Variants in PALM2AKAP2 observed in about 807,000 individuals in gnomAD.
PALM2AKAP2 encodes PALM2 and AKAP2 fusion.
Under a neutral mutation model 71.5 loss-of-function variants are expected in PALM2AKAP2, and 37 were observed. The ratio of observed to expected loss-of-function variants is 0.52; its 90% CI spans 0.40 to 0.68. The LOEUF is 0.68. Ranked by LOEUF, PALM2AKAP2 falls within the 30% of genes least tolerant of loss-of-function variation. The pLI is 0.00. For missense variants in PALM2AKAP2, 1,224 were observed against 1,191.8 expected (o/e 1.03, Z -0.40); for synonymous variants, 468 against 478.8 (o/e 0.98, Z 0.29).
chr9:109,815,604 C>CACTGA (rs1648737074), intron 1 of PALM2AKAP2, among the ~76,000 whole-genome samples: 1 of 152,112 alleles, frequency 6.6e-6, no homozygotes, highest in South Asian at 2.1e-4. Flanking sequence ...TGCCAAATGC[C>CACTGA]ACTGACAGGC....
intron 3 of PALM2AKAP2, among the ~76,000 whole-genome samples, chr9:109,904,505 A>G (rs1322124936): frequency 1.3e-5 from 2 of 152,214 alleles, no homozygotes; most frequent in East Asian, 1.9e-4. Flanking sequence ...TTGCCTCTGC[A>G]TGAGACGTCT....
intron 1 of PALM2AKAP2, among the ~76,000 whole-genome samples, chr9:109,862,610 T>G (rs557789759): frequency 2.0e-5 from 3 of 152,280 alleles, no homozygotes; most frequent in African/African-American, 7.2e-5. Flanking sequence ...AGAAACGAGG[T>G]AGCATGATTG....
intron 2 of PALM2AKAP2, 87 bp from the exon 9 acceptor site, chr9:110,156,232 T>G (rs1041793680): frequency 3.9e-5 from 55 of 1,414,480 alleles, no homozygotes; most frequent in Middle Eastern, 2.4e-4. Context: ...TGTCAGAGGT[T>G]GTTGCTCTTT....
Position 109,702,979 on chromosome 9 carries a change from C to T in PALM2AKAP2, c.5+62113C>T, listed in dbSNP as rs887423858. ...GAGTACAGGCACATGCCAACAGGCC[C>T]AGATAATTTTTGTATTTTTAGTAGA... On this transcript the variant is annotated intron_variant, in intron 1 of 6. Coordinates refer to the PALM2AKAP2 transcript ENST00000374531. Among the ~76,000 whole-genome samples the T allele has an allele frequency of 2.6e-5, 4 of 151,892 alleles. No individual in the cohort carries two copies. The South Asian group carries it at 8.3e-4, about 32-fold the overall frequency.
At chr9:110,053,516 G>T (rs1453086502) in intron 1 of PALM2AKAP2, among the ~76,000 whole-genome samples, 3 of 74,586 alleles carry the variant, frequency 4.0e-5, no homozygotes, top group Admixed American at 2.4e-4. Flanking sequence ...GACAGAGCAA[G>T]AACTCTGTCT....
intron 1 of PALM2AKAP2, among the ~76,000 whole-genome samples, chr9:110,133,267 T>C (rs1325585821): frequency 6.6e-6 from 1 of 152,204 alleles, no homozygotes; most frequent in African/African-American, 2.4e-5. Context: ...GCTTTGGAGA[T>C]AAGCCCCATC....
At chr9:109,791,117 G>C (rs2118869810) in intron 1 of PALM2AKAP2, among the ~76,000 whole-genome samples, 1 of 152,328 alleles carries the variant, frequency 6.6e-6, no homozygotes, top group South Asian at 2.1e-4. Flanking sequence ...GGAGGCAGCA[G>C]TAGAATGTAC....
intron 1 of PALM2AKAP2, among the ~76,000 whole-genome samples, chr9:110,054,815 T>TC (rs1481027545): frequency 2.6e-5 from 4 of 152,142 alleles, no homozygotes; most frequent in Non-Finnish European, 5.9e-5. Flanking sequence ...CAAGCAGTCC[T>TC]CCCACCTCGG....
chr9:109,843,477 G>A (rs1034572471), intron 1 of PALM2AKAP2, among the ~76,000 whole-genome samples: 7 of 151,780 alleles, frequency 4.6e-5, no homozygotes, highest in Non-Finnish European at 1.0e-4. Context: ...TGTACACTTA[G>A]TTCAGTAGTA....
At chr9:109,917,174 G>C (rs894697237) in intron 3 of PALM2AKAP2, among the ~76,000 whole-genome samples, 6 of 152,218 alleles carry the variant, frequency 3.9e-5, no homozygotes, top group African/African-American at 7.2e-5. Context: ...GAAGATGGAG[G>C]AAGGGACCCA....
rs56743395 is a variant in PALM2AKAP2 at position 109,954,658 on chromosome 9, TAAAAAA to T, written c.496+22648_496+22653del. Among the ~76,000 whole-genome samples the T allele has an allele frequency of 3.9e-3, 423 of 107,912 alleles. 1 individual carries two copies. The highest frequency in any genetic ancestry group is 0.014 in the African/African-American group (391 of 28,584). The allele number at this position is 107,912 out of a possible 152,430, so 70.8% of individuals were successfully genotyped here. A position where few individuals can be genotyped will look rare whatever the true frequency, so the allele number is the denominator to read the frequency against. On this transcript the variant is annotated intron_variant, in intron 6 of 9. Coordinates refer to the PALM2AKAP2 transcript ENST00000302798. ...ATGTACCCTAAAACTTAAAGTATAA[TAAAAAA>T]AAAAAAAAAAAAAAAAAGAAGTTAA...
At chr9:109,888,697 C>T (rs1185977623) in intron 3 of PALM2AKAP2, among the ~76,000 whole-genome samples, 1 of 59,962 alleles carries the variant, frequency 1.7e-5, no homozygotes, top group African/African-American at 7.4e-5. Context: ...GCATCAAGAG[C>T]AAAATTTTGC....
chr9:109,736,709 G>T (rs1672565670), intron 1 of PALM2AKAP2, among the ~76,000 whole-genome samples: 1 of 152,074 alleles, frequency 6.6e-6, no homozygotes, highest in Non-Finnish European at 1.5e-5. Context: ...CGTGAATAGT[G>T]AACACTGTAC....
chr9:109,682,502 A>G (rs1381368283), intron 1 of PALM2AKAP2, among the ~76,000 whole-genome samples: 1 of 152,148 alleles, frequency 6.6e-6, no homozygotes, highest in Non-Finnish European at 1.5e-5. Flanking sequence ...CTCTCATCAA[A>G]TTGTCTTATT....
At chr9:109,766,657 T>C (rs1432229067) in intron 1 of PALM2AKAP2, among the ~76,000 whole-genome samples, 3 of 152,228 alleles carry the variant, frequency 2.0e-5, no homozygotes, top group African/African-American at 4.8e-5. Flanking sequence ...GTCATTTAAA[T>C]AGCGGATTAC....
intron 1 of PALM2AKAP2, among the ~76,000 whole-genome samples, chr9:110,129,826 G>GA (rs538350671): frequency 7.0e-4 from 107 of 152,294 alleles, no homozygotes; most frequent in Middle Eastern, 3.4e-3. Context: ...GGTGGTTCTT[G>GA]ACTGCTCATT....
intron 1 of PALM2AKAP2, among the ~76,000 whole-genome samples, chr9:109,741,839 T>G (rs1027721229): frequency 1.2e-4 from 18 of 152,336 alleles, no homozygotes; most frequent in African/African-American, 4.3e-4. Context: ...ACATTATTTG[T>G]GAAAAACACT....
intron 6 of PALM2AKAP2, among the ~76,000 whole-genome samples, chr9:109,992,993 T>C (rs1242981265): frequency 6.6e-6 from 1 of 150,552 alleles, no homozygotes. Flanking sequence ...GAGAGTTTAT[T>C]TGGGCCAAGC....
At chr9:109,686,605 G>T (rs972462983) in intron 1 of PALM2AKAP2, among the ~76,000 whole-genome samples, 13 of 150,334 alleles carry the variant, frequency 8.6e-5, no homozygotes, top group African/African-American at 3.2e-4. Context: ...TCCAGGCTTT[G>T]TTGTTCCATT....
Sources: allele counts gnomAD v4.1 joint callset (sites outside exome capture counted in the v4.1 genomes callset), GRCh38; gene constraint gnomAD v4.1.1; transcripts MANE v1.5; gene names NCBI Gene and HGNC (gene_info 2026-07-23, HGNC 2026-07-21).